The following ATG14 variants were observed in gnomAD, a reference collection of about 807,000 sequenced individuals.
ATG14 encodes autophagy related 14, also known as beclin 1-associated autophagy-related key regulator.
Under a neutral mutation model 60.4 loss-of-function variants are expected in ATG14, and 35 were observed. The ratio of observed to expected loss-of-function variants is 0.58; its 90% CI spans 0.44 to 0.77. The LOEUF (loss-of-function observed/expected upper bound fraction) is 0.77. Among genes scored for constraint, ATG14 ranks in the 30% least tolerant of loss-of-function variants. The pLI, the probability that ATG14 is intolerant of heterozygous loss-of-function variation, is 0.00. For synonymous variants in ATG14, 234 were observed against 228.8 expected (o/e 1.02, Z -0.21); for missense variants, 647 against 626.3 (o/e 1.03, Z -0.35).
intron 9 of ATG14, among the ~76,000 whole-genome samples, chr14:55,375,820 G>A (rs920414903): frequency 6.6e-6 from 1 of 152,132 alleles, no homozygotes; most frequent in South Asian, 2.1e-4. Context: ...ACTGATAGTA[G>A]GCATCCTTGA....
In ATG14 at chr14:55,368,528, C is replaced by G. The variant is rs948858501; in HGVS notation, c.*1091G>C. 1 of 152,334 alleles carries G rather than the reference C, an allele frequency of 6.6e-6. No individual in the cohort carries two copies. The highest frequency in any genetic ancestry group is 6.5e-5 in the Admixed American group (1 of 15,274). 9.4% of individuals were successfully genotyped at this position (152,334 alleles called of 1,614,324 possible). On this transcript the variant is annotated 3_prime_UTR_variant, in exon 10 of 10. Transcript: ENST00000247178. ...AGCCACTGCGCCTGGCTGGGAAATT[C>G]TTTCTTTATATTGTGCTTTCCCCAG...
chr14:55,377,845 G>T lies in ATG14; in HGVS notation c.1146C>A (p.Val382=). ...LHTLRNLMYL[V]SPSSEHLGRS... is the part of the protein sequence containing the mutation. ...TGCCTAGGTGTTCAGAGCTTGGACT[G>T]ACCAGGTACATTAGATTCCTGAGGG... Residue 382 remains valine (V), a synonymous_variant, in exon 9 of 10, where the codon GTC becomes GTA. Coordinates refer to ENST00000247178, the MANE Select transcript of ATG14 (RefSeq NM_014924.5). 6.3e-7 allele frequency: 1 copy of T among 1,599,972 alleles called. No individual in the cohort carries two copies. The highest frequency in any genetic ancestry group is 1.1e-5 in the South Asian group (1 of 87,836).
At position 55,397,441 on chromosome 14, in the gene ATG14, C is replaced by CA; in HGVS notation, c.222-8dup. Reference sequence around the variant, plus strand: ...TTCCTTCTTGTCGATAAACCTGTAACAAAAAAATTCAATGTCTTATTTAAA... The same window carrying CA: ...TTCCTTCTTGTCGATAAACCTGTAACAAAAAAAATTCAATGTCTTATTTAAA... On this transcript the variant is annotated splice_region_variant and splice_polypyrimidine_tract_variant and intron_variant, in intron 1 of 9. Transcript: ENST00000247178. 6.2e-7 allele frequency: 1 copy of CA among 1,605,854 alleles called. No individual in the cohort carries two copies. The highest frequency in any genetic ancestry group is 1.1e-5 in the South Asian group (1 of 90,778).
At chr14:55,398,278 T>G (rs533201934) in intron 1 of ATG14, among the ~76,000 whole-genome samples, 2 of 152,268 alleles carry the variant, frequency 1.3e-5, no homozygotes, top group East Asian at 3.9e-4. Context: ...TTGCCAGTTT[T>G]CTATCTTTAT....
At chr14:55,401,128 C>A (rs1885391701) in intron 1 of ATG14, among the ~76,000 whole-genome samples, 2 of 151,938 alleles carry the variant, frequency 1.3e-5, no homozygotes, top group Admixed American at 6.6e-5. Context: ...GCCTCCCATC[C>A]CTCCCTCTGA....
chr14:55,405,421 G>A (rs370518058), intron 1 of ATG14, among the ~76,000 whole-genome samples: 2 of 152,200 alleles, frequency 1.3e-5, no homozygotes, highest in Admixed American at 1.3e-4. Flanking sequence ...AAACTTGTCA[G>A]TGAAGGTAAT....
At chr14:55,370,182 C>T (rs372185466) in intron 9 of ATG14, among the ~76,000 whole-genome samples, 2 of 152,276 alleles carry the variant, frequency 1.3e-5, no homozygotes, top group East Asian at 3.9e-4. Flanking sequence ...GATGACCGTG[C>T]ATAGGAAAAA....
intron 5 of ATG14, among the ~76,000 whole-genome samples, chr14:55,382,982 ACT>A (rs1885060995): frequency 6.6e-6 from 1 of 152,210 alleles, no homozygotes; most frequent in Non-Finnish European, 1.5e-5. Context: ...AAAGAGTGAC[ACT>A]GTTTTACATT....
chr14:55,392,147 C>T (rs1343864467), intron 3 of ATG14, among the ~76,000 whole-genome samples: 2 of 152,138 alleles, frequency 1.3e-5, no homozygotes, highest in African/African-American at 2.4e-5. Flanking sequence ...CTAGATCCCT[C>T]GCATGTGCAG....
intron 9 of ATG14, among the ~76,000 whole-genome samples, chr14:55,371,817 A>G (rs1184366823): frequency 6.6e-6 from 1 of 151,922 alleles, no homozygotes; most frequent in Non-Finnish European, 1.5e-5. Context: ...AAACAAACAA[A>G]AAAACAAAGA....
intron 1 of ATG14, among the ~76,000 whole-genome samples, chr14:55,402,153 T>C (rs1704498329): frequency 6.6e-6 from 1 of 152,164 alleles, no homozygotes; most frequent in Non-Finnish European, 1.5e-5. Context: ...ATAACTAGCC[T>C]CACCGTAACA....
chr14:55,389,124 T>C (rs553239667), intron 4 of ATG14, among the ~76,000 whole-genome samples: 1 of 152,370 alleles, frequency 6.6e-6, no homozygotes, highest in South Asian at 2.1e-4. Context: ...TTTAGATCTA[T>C]GTCTAATTCT....
At chr14:55,383,713 T>C (rs563701405) in intron 5 of ATG14, among the ~76,000 whole-genome samples, 1 of 151,922 alleles carries the variant, frequency 6.6e-6, no homozygotes, top group East Asian at 1.9e-4. Flanking sequence ...GCTATAATCA[T>C]ACCATTGCAC....
intron 1 of ATG14, among the ~76,000 whole-genome samples, chr14:55,399,262 A>C (rs1399412766): frequency 6.6e-6 from 1 of 152,264 alleles, no homozygotes; most frequent in Non-Finnish European, 1.5e-5. Flanking sequence ...GTGACTATTT[A>C]AATTTAAATT....
chr14:55,379,014 C>T (rs1566578596), intron 7 of ATG14, among the ~76,000 whole-genome samples: 1 of 152,016 alleles, frequency 6.6e-6, no homozygotes, highest in Admixed American at 6.6e-5. Flanking sequence ...ACCTGGCCCT[C>T]TCATCCTGTT....
At chr14:55,398,056 TC>T (rs200672163) in intron 1 of ATG14, among the ~76,000 whole-genome samples, 1 of 149,692 alleles carries the variant, frequency 6.7e-6, no homozygotes, top group Non-Finnish European at 1.5e-5. Flanking sequence ...CACGCCATTC[TC>T]CCGCCTCAGC....
chr14:55,411,077 G>T (rs922763188), intron 1 of ATG14, among the ~76,000 whole-genome samples: 1 of 152,092 alleles, frequency 6.6e-6, no homozygotes, highest in Admixed American at 6.5e-5. Flanking sequence ...GAGGGGAAAG[G>T]GGCGTTAACA....
intron 1 of ATG14, among the ~76,000 whole-genome samples, chr14:55,401,583 T>C (rs1459093921): frequency 6.6e-6 from 1 of 152,218 alleles, no homozygotes; most frequent in Non-Finnish European, 1.5e-5. Flanking sequence ...TGTTCCCCCC[T>C]AAAAAGTATT....
At chr14:55,402,955 AT>A (rs1566585732) in intron 1 of ATG14, among the ~76,000 whole-genome samples, 810 of 77,854 alleles carry the variant, frequency 0.01, 33 homozygotes, top group Middle Eastern at 0.023. Context: ...ATATATATAT[AT>A]ATATATATAT....
Sources: allele counts gnomAD v4.1 joint callset (sites outside exome capture counted in the v4.1 genomes callset), GRCh38; gene constraint gnomAD v4.1.1; transcripts MANE v1.5; gene names NCBI Gene and HGNC (gene_info 2026-07-23, HGNC 2026-07-21).